Variants in SEZ6L observed in about 807,000 individuals in gnomAD.
SEZ6L encodes seizure related 6 homolog like.
A neutral mutation model predicts 106.2 loss-of-function variants in SEZ6L; 37 were observed. The observed-to-expected ratio is 0.35, with a 90% CI of 0.27 to 0.46. The LOEUF (loss-of-function observed/expected upper bound fraction) is 0.46, where lower values mean the gene tolerates loss of function less well. SEZ6L is among the 20% of genes least tolerant of loss of function. SEZ6L has a pLI of 1.00. For synonymous variants in SEZ6L, 541 were observed against 570.4 expected (o/e 0.95, Z 0.73); for missense variants, 1,172 against 1,332.8 (o/e 0.88, Z 1.88).
chr22:26,241,378 T>C (rs2145770332), intron 1 of SEZ6L: 1 of 152,326 alleles, frequency 6.6e-6, no homozygotes, highest in East Asian at 1.9e-4. Context: ...GTGTCTCACG[T>C]GGCCTTGCCT....
chr22:26,242,922 T>A (rs2079187039), intron 1 of SEZ6L: 1 of 152,184 alleles, frequency 6.6e-6, no homozygotes, highest in Non-Finnish European at 1.5e-5. Context: ...ATTTTCTCAC[T>A]CTTCTAGAGG....
chr22:26,226,575 G>T (rs1402920254), intron 1 of SEZ6L, among the ~76,000 whole-genome samples: 1 of 152,188 alleles, frequency 6.6e-6, no homozygotes, highest in East Asian at 1.9e-4. Context: ...GTGTGTATAT[G>T]TATGTGTGTG....
intron 1 of SEZ6L, among the ~76,000 whole-genome samples, chr22:26,259,641 T>C (rs1351021260): frequency 6.6e-6 from 1 of 152,172 alleles, no homozygotes; most frequent in African/African-American, 2.4e-5. Flanking sequence ...TCGGAGCTCT[T>C]AAGGGCATGA....
chr22:26,244,496 C>G (rs1003184277), intron 1 of SEZ6L: 1 of 152,194 alleles, frequency 6.6e-6, no homozygotes, highest in Non-Finnish European at 1.5e-5. Context: ...ACAGGGAACT[C>G]TAGAACAGAG....
At chr22:26,313,690 A>G (rs2081914475) in intron 8 of SEZ6L, 74 bp from the exon 9 acceptor site, 1 of 1,557,786 alleles carries the variant, frequency 6.4e-7, no homozygotes, top group African/African-American at 1.4e-5. Flanking sequence ...TTCATAGCCC[A>G]CATGGTTAGC....
chr22:26,370,926 C>T (rs1463112468), intron 13 of SEZ6L, among the ~76,000 whole-genome samples: 1 of 150,288 alleles, frequency 6.7e-6, no homozygotes, highest in Non-Finnish European at 1.5e-5. Flanking sequence ...ACTGCTTGAG[C>T]CCAGGAGGTT....
intron 1 of SEZ6L, among the ~76,000 whole-genome samples, chr22:26,275,650 G>C (rs1042883282): frequency 2.0e-5 from 3 of 152,214 alleles, no homozygotes; most frequent in South Asian, 4.1e-4. Context: ...ACAGGCCTCA[G>C]TTTGCCCATC....
rs370358819 is a variant in SEZ6L, at chr22:26,332,212, C to T, written c.2016-8224C>T. The stretch of plus-strand genomic sequence containing the variant: ...TTGCCCAGGCTGGAGTGCAGTGGCG[C>T]GATCTCGGCTCACTGCAACCTCCTT... On this transcript the variant is annotated intron_variant, in intron 9 of 16. Transcript: ENST00000248933. Among the ~76,000 whole-genome samples, 474 of 144,054 alleles carry T rather than the reference C, an allele frequency of 3.3e-3. 7 individuals are homozygous for T. The highest frequency in any genetic ancestry group is 0.011 in the African/African-American group (436 of 38,494). 94.5% of individuals were successfully genotyped at this position (144,054 alleles called of 152,430 possible).
chr22:26,207,910 A>AT (rs134772), intron 1 of SEZ6L, among the ~76,000 whole-genome samples: 2,980 of 138,462 alleles, frequency 0.022, 177 homozygotes, highest in Admixed American at 0.13. Context: ...ATTCATGTGT[A>AT]TTTTTTTTTT....
chr22:26,179,246 C>G (rs1027910620), intron 1 of SEZ6L, among the ~76,000 whole-genome samples: 5 of 152,074 alleles, frequency 3.3e-5, no homozygotes, highest in African/African-American at 4.8e-5. Context: ...AAAAATTAGC[C>G]AGGTGTGGTG....
At chr22:26,377,510 AC>A (rs1336959636) in intron 15 of SEZ6L, among the ~76,000 whole-genome samples, 162 bp from the exon 16 acceptor site, 1 of 152,052 alleles carries the variant, frequency 6.6e-6, no homozygotes, top group African/African-American at 2.4e-5. Flanking sequence ...TTCTGCTTTC[AC>A]CTCACTAGGA....
chr22:26,205,292 A>G (rs1291003316), intron 1 of SEZ6L, among the ~76,000 whole-genome samples: 2 of 152,184 alleles, frequency 1.3e-5, no homozygotes, highest in Non-Finnish European at 2.9e-5. Context: ...GATTATCTTC[A>G]GTGACGTACA....
At chr22:26,369,338 G>GTTTTTTTTTTTTTTTTT (rs1421215614) in intron 13 of SEZ6L, among the ~76,000 whole-genome samples, 2 of 83,618 alleles carry the variant, frequency 2.4e-5, no homozygotes, top group African/African-American at 7.3e-5. Context: ...TATATAAGCA[G>GTTTTTTTTTTTTTTTTT]TTCTTTTGTT....
At chr22:26,326,755 GC>G (rs1477896384) in intron 9 of SEZ6L, among the ~76,000 whole-genome samples, 1 of 152,202 alleles carries the variant, frequency 6.6e-6, no homozygotes, top group African/African-American at 2.4e-5. Context: ...TGTTTAGACA[GC>G]ACCCCTGGGA....
intron 1 of SEZ6L, among the ~76,000 whole-genome samples, chr22:26,281,776 A>T (rs1333399865): frequency 6.6e-6 from 1 of 152,080 alleles, no homozygotes; most frequent in African/African-American, 2.4e-5. Flanking sequence ...TTTGACCAAC[A>T]TCTCCTTAAT....
Position 26,260,043 on chromosome 22 carries a change from T to C in SEZ6L, c.95-32363T>C, listed in dbSNP as rs2079949023. Among the ~76,000 whole-genome samples, 3 of 152,178 alleles carry C rather than the reference T, an allele frequency of 2.0e-5. No homozygotes were observed. In the East Asian group the frequency reaches 5.8e-4, roughly 29 times the overall value. On this transcript the variant is annotated intron_variant, in intron 1 of 16. Transcript: ENST00000248933. ...TTGGCATGCTTAGGGTTATTATTAA[T>C]CTAATAGAGGAATAAATTATACACA...
At chr22:26,224,614 A>G (rs1489658775) in intron 1 of SEZ6L, among the ~76,000 whole-genome samples, 4 of 152,230 alleles carry the variant, frequency 2.6e-5, no homozygotes, top group African/African-American at 9.6e-5. Context: ...AGTTGTCTAG[A>G]TAAGAGTCTA....
intron 12 of SEZ6L, among the ~76,000 whole-genome samples, chr22:26,353,705 A>G (rs1477316626): frequency 6.6e-6 from 1 of 152,160 alleles, no homozygotes; most frequent in Non-Finnish European, 1.5e-5. Context: ...TGGTATCTGT[A>G]ATTGTGACCT....
intron 1 of SEZ6L, among the ~76,000 whole-genome samples, chr22:26,224,551 C>T (rs2145731007): frequency 6.6e-6 from 1 of 152,260 alleles, no homozygotes; most frequent in South Asian, 2.1e-4. Context: ...AAAACTCACT[C>T]TGGCCACTAG....
Sources: gnomAD v4.1 joint callset for allele counts (sites outside exome capture counted in the v4.1 genomes callset) on GRCh38, gnomAD v4.1.1 for gene constraint, MANE v1.5 for transcripts, NCBI Gene and HGNC (gene_info 2026-07-23, HGNC 2026-07-21) for gene names.